Variants in CDKN2B-AS1 observed in about 807,000 individuals in gnomAD.
CDKN2B-AS1 encodes the protein CDKN2B and CDKN2A antisense cis and trans regulatory RNA 1.
At chr9:22,046,132 T>C (rs1823099231) in intron 1 of CDKN2B-AS1, among the ~76,000 whole-genome samples, 1 of 152,096 alleles carries the variant, frequency 6.6e-6, no homozygotes, top group African/African-American at 2.4e-5. Context: ...ATTCCCTAGC[T>C]ACCTCAAAGT....
intron 4 of CDKN2B-AS1, among the ~76,000 whole-genome samples, chr9:22,092,660 GGT>G (rs1258609486): frequency 1.3e-5 from 2 of 152,080 alleles, no homozygotes; most frequent in African/African-American, 2.4e-5. Flanking sequence ...CTGTGGGATT[GGT>G]GGTGATATCC....
At chr9:22,127,311 A>C (rs1818034374) in exon 5 of CDKN2B-AS1, among the ~76,000 whole-genome samples, 1 of 152,058 alleles carries the variant, frequency 6.6e-6, no homozygotes, top group Non-Finnish European at 1.5e-5. Context: ...TAAACTCCTG[A>C]CCTTGTGATC....
intron 4 of CDKN2B-AS1, among the ~76,000 whole-genome samples, chr9:22,122,880 G>A (rs191722444): frequency 3.8e-4 from 58 of 152,006 alleles, no homozygotes; most frequent in Admixed American, 3.6e-3. Context: ...GCTGTTTGGG[G>A]TCTTTTGTGG....
intron 4 of CDKN2B-AS1, among the ~76,000 whole-genome samples, chr9:22,098,825 C>G (rs1825380888): frequency 6.6e-6 from 1 of 152,164 alleles, no homozygotes; most frequent in Non-Finnish European, 1.5e-5. Flanking sequence ...CTGTGCTGAC[C>G]ACACCTCCAT....
intron 4 of CDKN2B-AS1, among the ~76,000 whole-genome samples, chr9:22,069,181 CCT>C (rs762006415): frequency 1.6e-4 from 24 of 152,236 alleles, no homozygotes; most frequent in Non-Finnish European, 3.4e-4. Context: ...TTCCTGGGCC[CCT>C]GTCTTGCAGC....
At chr9:22,112,822 A>G (rs998540750) in intron 4 of CDKN2B-AS1, among the ~76,000 whole-genome samples, 1 of 152,104 alleles carries the variant, frequency 6.6e-6, no homozygotes, top group African/African-American at 2.4e-5. Context: ...CTGTCTTCTT[A>G]AAAAAATGAG....
At chr9:22,021,339 G>A (rs1822010892) in intron 1 of CDKN2B-AS1, among the ~76,000 whole-genome samples, 2 of 152,094 alleles carry the variant, frequency 1.3e-5, no homozygotes, top group South Asian at 4.1e-4. Context: ...CTGTAGTATA[G>A]TTTGAAGTCA....
chr9:22,054,012 C>G (rs1823458201), intron 3 of CDKN2B-AS1, among the ~76,000 whole-genome samples: 1 of 152,018 alleles, frequency 6.6e-6, no homozygotes, highest in Non-Finnish European at 1.5e-5. Context: ...AAGTTACTGA[C>G]CCTCTTTAGG....
At chr9:22,008,678 C>G in intron 1 of CDKN2B-AS1, 1 of 1,608,848 alleles carries the variant, frequency 6.2e-7, no homozygotes, top group South Asian at 1.1e-5. Flanking sequence ...TGCACACCTC[C>G]GGCCAACGGA....
intron 1 of CDKN2B-AS1, among the ~76,000 whole-genome samples, chr9:22,002,665 A>G (rs1820974834): frequency 6.6e-6 from 1 of 152,052 alleles, no homozygotes; most frequent in Non-Finnish European, 1.5e-5. Flanking sequence ...TTGCCATATT[A>G]GGGAAATAAA....
intron 3 of CDKN2B-AS1, among the ~76,000 whole-genome samples, chr9:22,050,050 A>C (rs372870792): frequency 6.6e-6 from 1 of 152,190 alleles, no homozygotes; most frequent in Non-Finnish European, 1.5e-5. Flanking sequence ...CAGATTGTCC[A>C]TATCACTTAA....
intron 1 of CDKN2B-AS1, among the ~76,000 whole-genome samples, chr9:22,038,198 T>A (rs1822764191): frequency 6.6e-6 from 1 of 150,956 alleles, no homozygotes; most frequent in African/African-American, 2.4e-5. Flanking sequence ...AAATTATGGA[T>A]TTTTTTTTCA....
chr9:22,025,226 C>A (rs559848600), intron 1 of CDKN2B-AS1, among the ~76,000 whole-genome samples: 53 of 152,182 alleles, frequency 3.5e-4, no homozygotes, highest in Non-Finnish European at 7.5e-4. Flanking sequence ...GTGCTATGGG[C>A]CCAAGCCAGG....
intron 4 of CDKN2B-AS1, among the ~76,000 whole-genome samples, chr9:22,064,216 A>G (rs1178006931): frequency 1.3e-5 from 2 of 152,124 alleles, no homozygotes. Flanking sequence ...TGTGATCAGG[A>G]GGTATTTCTA....
intron 1 of CDKN2B-AS1, chr9:22,030,330 T>G (rs1198968855): frequency 6.6e-6 from 1 of 152,210 alleles, no homozygotes; most frequent in Non-Finnish European, 1.5e-5. Context: ...TGTCTGAACT[T>G]CATCTTTTCT....
intron 4 of CDKN2B-AS1, among the ~76,000 whole-genome samples, chr9:22,099,745 A>C (rs1825417137): frequency 8.2e-6 from 1 of 121,934 alleles, no homozygotes; most frequent in African/African-American, 2.6e-5. Context: ...TTAATTATTA[A>C]GTAAAAAAAA....
chr9:22,123,576 G>A (rs78445513), intron 4 of CDKN2B-AS1, among the ~76,000 whole-genome samples: 371 of 152,306 alleles, frequency 2.4e-3, no homozygotes, highest in African/African-American at 7.7e-3. Context: ...AGGCCAAAGA[G>A]CTGGCAGGTG....
rs71336509 is a variant in CDKN2B-AS1, at chr9:22,071,285, C to CTTTTTTT, written n.438+14923_438+14929dup. Among the ~76,000 whole-genome samples, 15 of 67,578 alleles carry CTTTTTTT rather than the reference C, an allele frequency of 2.2e-4. 1 individual carries two copies. The highest frequency in any genetic ancestry group is 7.7e-4 in the African/African-American group (11 of 14,206). The allele number at this position is 67,578 out of a possible 152,430, so 44.3% of individuals were successfully genotyped here. A position where few individuals can be genotyped will look rare whatever the true frequency, so the allele number is the denominator to read the frequency against. ...AGAGGCCAGGCTTAGAAATATCTAGCTTTTTTTTTTTTTTTTTTTTTTTTT... is the reference window on the plus strand; with the variant it reads ...AGAGGCCAGGCTTAGAAATATCTAGCTTTTTTTTTTTTTTTTTTTTTTTTTTTTTTTT... On this transcript the variant is annotated intron_variant and non_coding_transcript_variant, in intron 4 of 4. Transcript: ENST00000650946.
intron 1 of CDKN2B-AS1, among the ~76,000 whole-genome samples, chr9:22,037,331 C>A (rs567975313): frequency 1.3e-5 from 2 of 152,196 alleles, no homozygotes; most frequent in African/African-American, 4.8e-5. Flanking sequence ...GCAGAATCCT[C>A]TGTAGTTTCC....
Sources: gnomAD v4.1 joint callset for allele counts (sites outside exome capture counted in the v4.1 genomes callset) on GRCh38, gnomAD v4.1.1 for gene constraint, MANE v1.5 for transcripts, NCBI Gene and HGNC (gene_info 2026-07-23, HGNC 2026-07-21) for gene names.